Variants in ADAMTS17 observed in about 807,000 individuals in gnomAD.
The protein encoded by ADAMTS17 is ADAM metallopeptidase with thrombospondin type 1 motif 17, also known as A disintegrin and metalloproteinase with thrombospondin motifs 17.
In ADAMTS17, 113 loss-of-function variants were observed where a neutral mutation model predicts 141.5. The ratio of observed to expected loss-of-function variants is 0.80; its 90% CI spans 0.69 to 0.93. ADAMTS17 has a LOEUF of 0.93. Ranked by LOEUF, ADAMTS17 falls within the 40% of genes least tolerant of loss-of-function variation. ADAMTS17 has a pLI of 0.00. For missense variants in ADAMTS17, 1,659 were observed against 1,517.9 expected, an observed-to-expected ratio of 1.09 and a Z score of -1.54; for synonymous variants, 768 against 630.6, an observed-to-expected ratio of 1.22 and a Z score of -3.27.
chr15:100,292,555 A>T (rs557119813), intron 3 of ADAMTS17, among the ~76,000 whole-genome samples: 22 of 151,422 alleles, frequency 1.5e-4, no homozygotes, highest in African/African-American at 5.1e-4. Context: ...TATGAGAGAC[A>T]CTCACCCCGT....
At chr15:99,999,136 C>T (rs1320766557) in intron 18 of ADAMTS17, among the ~76,000 whole-genome samples, 3 of 152,196 alleles carry the variant, frequency 2.0e-5, no homozygotes, top group Non-Finnish European at 4.4e-5. Context: ...GAGGGCCTCC[C>T]ACGTGCCAGG....
intron 3 of ADAMTS17, among the ~76,000 whole-genome samples, chr15:100,287,246 T>G (rs1044097191): frequency 1.4e-4 from 22 of 152,084 alleles, no homozygotes; most frequent in African/African-American, 5.3e-4. Context: ...AATTTCATAA[T>G]GCAATCGCAA....
chr15:100,267,567 G>C (rs1261859579), intron 4 of ADAMTS17, among the ~76,000 whole-genome samples: 1 of 152,054 alleles, frequency 6.6e-6, no homozygotes, highest in Non-Finnish European at 1.5e-5. Context: ...ATGTGTGCAG[G>C]TTGGTTACGT....
At chr15:100,007,410 TAGA>T (rs774466198) in intron 18 of ADAMTS17, among the ~76,000 whole-genome samples, 2 of 141,622 alleles carry the variant, frequency 1.4e-5, no homozygotes, top group Non-Finnish European at 3.2e-5. Flanking sequence ...CATGCCTTGG[TAGA>T]AGACTTTTTT....
At chr15:100,227,096 C>T (rs1464749268) in intron 7 of ADAMTS17, among the ~76,000 whole-genome samples, 1 of 152,200 alleles carries the variant, frequency 6.6e-6, no homozygotes, top group Non-Finnish European at 1.5e-5. Context: ...CTACCCACAG[C>T]CTCAGGCCCC....
At chr15:100,179,917 T>C (rs560603949) in intron 8 of ADAMTS17, among the ~76,000 whole-genome samples, 110 of 152,362 alleles carry the variant, frequency 7.2e-4, no homozygotes, top group African/African-American at 2.4e-3. Flanking sequence ...TTATGTATTC[T>C]GGTTATTAAT....
intron 18 of ADAMTS17, among the ~76,000 whole-genome samples, chr15:100,018,445 T>C (rs995043191): frequency 1.6e-4 from 25 of 152,288 alleles, no homozygotes; most frequent in African/African-American, 4.6e-4. Flanking sequence ...TGGGAGGTGA[T>C]TGGATCATAG....
chr15:99,980,213 T>A (rs940263075), intron 20 of ADAMTS17: 1 of 152,176 alleles, frequency 6.6e-6, no homozygotes, highest in Non-Finnish European at 1.5e-5. Context: ...CCCAGCTACT[T>A]GGGAGGCTGA....
chr15:100,135,934 A>T (rs1002037289), intron 10 of ADAMTS17, among the ~76,000 whole-genome samples: 7 of 152,234 alleles, frequency 4.6e-5, no homozygotes, highest in Admixed American at 3.9e-4. Flanking sequence ...AGCACCGCTC[A>T]TTGGGAACAA....
chr15:100,205,639 A>G (rs1312743944), intron 7 of ADAMTS17, among the ~76,000 whole-genome samples: 1 of 152,182 alleles, frequency 6.6e-6, no homozygotes, highest in Non-Finnish European at 1.5e-5. Context: ...GGTCCCAGGC[A>G]GGTTCACCTC....
intron 7 of ADAMTS17, among the ~76,000 whole-genome samples, chr15:100,211,857 C>A (rs1429647560): frequency 6.6e-6 from 1 of 152,114 alleles, no homozygotes; most frequent in Admixed American, 6.5e-5. Flanking sequence ...AAGGTTATCA[C>A]AATTAAAGAC....
chr15:100,087,266 C>T (rs2035168428), intron 15 of ADAMTS17, among the ~76,000 whole-genome samples: 1 of 152,208 alleles, frequency 6.6e-6, no homozygotes, highest in South Asian at 2.1e-4. Context: ...TCAACACATA[C>T]ACCCTCCCAA....
intron 19 of ADAMTS17, among the ~76,000 whole-genome samples, chr15:99,995,157 G>T (rs752719060): frequency 4.6e-5 from 7 of 152,202 alleles, no homozygotes; most frequent in Non-Finnish European, 5.9e-5. Context: ...GCACTGCAGG[G>T]CTACCCCTTG....
chr15:100,203,183 G>A (rs191393677), intron 7 of ADAMTS17, among the ~76,000 whole-genome samples: 98 of 152,244 alleles, frequency 6.4e-4, no homozygotes, highest in Admixed American at 6.1e-3. Context: ...GACAACAAGC[G>A]TGTGCTTGTG....
chr15:100,002,012 A>G (rs1567663883), intron 18 of ADAMTS17, among the ~76,000 whole-genome samples: 1 of 149,528 alleles, frequency 6.7e-6, no homozygotes, highest in East Asian at 1.9e-4. Context: ...AAAAAAAAAA[A>G]AAAAGAAAAA....
At chr15:100,112,399 C>T (rs181443080) in intron 13 of ADAMTS17, among the ~76,000 whole-genome samples, 95 of 152,192 alleles carry the variant, frequency 6.2e-4, no homozygotes, top group Non-Finnish European at 9.9e-4. Flanking sequence ...CCCTTTGAGG[C>T]CTCTGCTTGG....
chr15:100,071,475 T>C (rs770441756), intron 15 of ADAMTS17, among the ~76,000 whole-genome samples: 2 of 150,154 alleles, frequency 1.3e-5, no homozygotes, highest in African/African-American at 4.9e-5. Context: ...CTGATGAACA[T>C]TGATGCAAAA....
intron 7 of ADAMTS17, among the ~76,000 whole-genome samples, chr15:100,232,063 C>G (rs2141850954): frequency 6.6e-6 from 1 of 152,300 alleles, no homozygotes; most frequent in Admixed American, 6.5e-5. Context: ...CTTGAATTGT[C>G]TTAGTGTCAA....
At chr15:100,173,897 A>C (rs796648134) in intron 8 of ADAMTS17, among the ~76,000 whole-genome samples, 3 of 152,320 alleles carry the variant, frequency 2.0e-5, no homozygotes, top group African/African-American at 7.2e-5. Context: ...CTAGTGTACC[A>C]CTGAGGCCAA....
Sources: gnomAD v4.1 joint callset for allele counts (sites outside exome capture counted in the v4.1 genomes callset) on GRCh38, gnomAD v4.1.1 for gene constraint, MANE v1.5 for transcripts, NCBI Gene and HGNC (gene_info 2026-07-23, HGNC 2026-07-21) for gene names.